Variants in SLC26A7 observed in about 807,000 individuals in gnomAD.
SLC26A7 encodes the protein anion exchange transporter.
In SLC26A7, 59 loss-of-function variants were observed where a neutral mutation model predicts 82.5. That is an observed-to-expected ratio of 0.72 (90% CI 0.58 to 0.89). The LOEUF (loss-of-function observed/expected upper bound fraction) is 0.89, where lower values mean the gene tolerates loss of function less well. Among genes scored for constraint, SLC26A7 ranks in the 40% least tolerant of loss-of-function variants. SLC26A7 has a pLI of 0.00. For missense variants in SLC26A7, 820 were observed against 793.0 expected (o/e 1.03, Z -0.41); for synonymous variants, 271 against 274.3 (o/e 0.99, Z 0.12).
In SLC26A7 at chr8:91,278,638, A is replaced by G. The variant is rs574211011; in HGVS notation, c.194-10498A>G. Among the ~76,000 whole-genome samples the G allele has an allele frequency of 2.6e-5, 4 of 152,202 alleles. No individual in the cohort carries two copies. In the South Asian group the frequency reaches 8.3e-4, roughly 32 times the overall value. On this transcript the variant is annotated intron_variant, in intron 2 of 18. Coordinates refer to ENST00000276609, the MANE Select transcript of SLC26A7 (RefSeq NM_052832.4). ...ATAAATATTTGCCTTTTTTTAATTA[A>G]CAAAAACTGTATATGCTTATGAAGT...
chr8:91,345,934 T>G (rs949131858), intron 9 of SLC26A7, among the ~76,000 whole-genome samples: 3 of 151,992 alleles, frequency 2.0e-5, no homozygotes, highest in Non-Finnish European at 4.4e-5. Flanking sequence ...TTCACTTGAG[T>G]TGGGTGTACA....
chr8:91,264,936 A>C (rs961454394), intron 2 of SLC26A7, among the ~76,000 whole-genome samples: 2 of 151,920 alleles, frequency 1.3e-5, no homozygotes, highest in Non-Finnish European at 2.9e-5. Context: ...TGAAATATAC[A>C]ATATATTTTA....
At chr8:91,297,753 C>T (rs1048775666) in intron 4 of SLC26A7, among the ~76,000 whole-genome samples, 4 of 152,070 alleles carry the variant, frequency 2.6e-5, no homozygotes, top group Non-Finnish European at 5.9e-5. Context: ...CCTTTTATTC[C>T]TTCAGATTTG....
chr8:91,268,304 T>C (rs1444483935), intron 2 of SLC26A7, among the ~76,000 whole-genome samples: 1 of 151,844 alleles, frequency 6.6e-6, no homozygotes, highest in African/African-American at 2.4e-5. Flanking sequence ...ATTTATATAT[T>C]TGGGTGCTCC....
At chr8:91,279,123 GTGTATATA>G (rs1386790538) in intron 2 of SLC26A7, among the ~76,000 whole-genome samples, 61 of 78,774 alleles carry the variant, frequency 7.7e-4, no homozygotes, top group Admixed American at 5.3e-3. Flanking sequence ...GTGTGTGTGT[GTGTATATA>G]TATATATATA....
intron 9 of SLC26A7, among the ~76,000 whole-genome samples, chr8:91,346,559 G>T (rs1360615970): frequency 1.3e-5 from 2 of 152,062 alleles, no homozygotes; most frequent in Non-Finnish European, 2.9e-5. Context: ...AAGGATCAGT[G>T]ATAATCATCT....
At chr8:91,251,907 G>C (rs1053629319) in intron 2 of SLC26A7, among the ~76,000 whole-genome samples, 4 of 152,068 alleles carry the variant, frequency 2.6e-5, no homozygotes, top group Non-Finnish European at 5.9e-5. Flanking sequence ...AATTGCTTTT[G>C]CATTCAGGTT....
intron 2 of SLC26A7, among the ~76,000 whole-genome samples, chr8:91,219,836 T>C (rs1438253660): frequency 4.6e-5 from 7 of 152,142 alleles, no homozygotes; most frequent in Admixed American, 4.6e-4. Flanking sequence ...ATGCTCTAGT[T>C]TGAGAACCAC....
intron 15 of SLC26A7, among the ~76,000 whole-genome samples, chr8:91,381,654 G>C (rs922278896): frequency 3.9e-5 from 6 of 152,166 alleles, no homozygotes; most frequent in Non-Finnish European, 7.4e-5. Flanking sequence ...GAAACTCTTT[G>C]GTACCCAGTG....
chr8:91,355,200 G>A (rs757849653), intron 11 of SLC26A7, among the ~76,000 whole-genome samples: 4 of 152,066 alleles, frequency 2.6e-5, no homozygotes, highest in African/African-American at 4.8e-5. Context: ...CTAAATGGAT[G>A]CTCAATGAAG....
chr8:91,234,753 TTCTC>T (rs1161371626), intron 2 of SLC26A7, among the ~76,000 whole-genome samples: 9 of 150,668 alleles, frequency 6.0e-5, no homozygotes, highest in South Asian at 2.1e-4. Context: ...TTCTTTCTCT[TTCTC>T]TCTCTCCTTC....
chr8:91,251,334 A>G (rs1395638485), intron 2 of SLC26A7, among the ~76,000 whole-genome samples: 2 of 152,038 alleles, frequency 1.3e-5, no homozygotes, highest in Non-Finnish European at 1.5e-5. Flanking sequence ...GAAGGGACAC[A>G]TTGGCCAGCC....
intron 3 of SLC26A7, among the ~76,000 whole-genome samples, chr8:91,290,593 A>G (rs569653472): frequency 6.6e-6 from 1 of 152,262 alleles, no homozygotes; most frequent in East Asian, 1.9e-4. Context: ...TTTAAAGGAC[A>G]CTTGTGATTA....
At chr8:91,335,798 A>C (rs6995526) in intron 6 of SLC26A7, among the ~76,000 whole-genome samples, 2 of 152,100 alleles carry the variant, frequency 1.3e-5, no homozygotes, top group African/African-American at 2.4e-5. Context: ...TATGTTGACA[A>C]ACATCCCTTA....
intron 2 of SLC26A7, among the ~76,000 whole-genome samples, chr8:91,278,310 A>G (rs867507668): frequency 6.6e-5 from 10 of 152,134 alleles, no homozygotes; most frequent in Non-Finnish European, 1.5e-4. Context: ...GGGTGAGGCC[A>G]AGAACATCTG....
At chr8:91,305,333 C>T (rs1007788330) in intron 4 of SLC26A7, among the ~76,000 whole-genome samples, 3 of 151,932 alleles carry the variant, frequency 2.0e-5, no homozygotes, top group African/African-American at 7.3e-5. Context: ...ACTTATACTT[C>T]TCTAATTTGC....
chr8:91,291,496 T>TA lies in SLC26A7; in HGVS notation c.304+2256dup, dbSNP rs1213568813. Among the ~76,000 whole-genome samples the TA allele has an allele frequency of 3.9e-5, 6 of 152,152 alleles. No individual in the cohort carries two copies. In the East Asian group the frequency reaches 1.2e-3, roughly 29 times the overall value. On this transcript the variant is annotated intron_variant, in intron 3 of 18. Coordinates refer to ENST00000276609, the MANE Select transcript of SLC26A7 (RefSeq NM_052832.4). The stretch of plus-strand genomic sequence containing the variant: ...AAACATTTAAACATATCCTTAGCAA[T>TA]AAAAAAGTTGTTTTAATACTAACCT...
intron 2 of SLC26A7, among the ~76,000 whole-genome samples, chr8:91,267,723 T>G (rs938741653): frequency 2.3e-4 from 35 of 151,834 alleles, no homozygotes; most frequent in Non-Finnish European, 4.3e-4. Flanking sequence ...TTTTTCTTGA[T>G]CTTTCATATT....
Position 91,249,772 on chromosome 8 carries a change from T to C in SLC26A7, c.121T>C (p.Tyr41His), listed in dbSNP as rs1810609236. The C allele has an allele frequency of 6.2e-7, 1 of 1,612,604 alleles. No homozygotes were observed. The highest frequency in any genetic ancestry group is 8.5e-7 in the Non-Finnish European group (1 of 1,179,212). The part of the protein sequence containing the change: ...RLPILDWAPH[Y>H]NLKENLLPDT... ...GCCCATTTTGGATTGGGCACCACAT[T>C]ACAATCTGAAAGAAAACTTGCTTCC... is the stretch of plus-strand genomic sequence containing the variant. Residue 41 changes from tyrosine (Y) to histidine (H), a missense_variant, in exon 2 of 19, where the codon TAC (tyrosine) becomes CAC (histidine). Transcript: ENST00000276609.
Sources: allele counts gnomAD v4.1 joint callset (sites outside exome capture counted in the v4.1 genomes callset), GRCh38; gene constraint gnomAD v4.1.1; transcripts MANE v1.5; gene names NCBI Gene and HGNC (gene_info 2026-07-23, HGNC 2026-07-21).